The following GPR179 variants were observed in gnomAD, a reference collection of about 807,000 sequenced individuals.
GPR179 encodes the protein G protein-coupled receptor 179.
In GPR179, 52 loss-of-function variants were observed where a neutral mutation model predicts 70.8. The observed-to-expected ratio is 0.73, with a 90% confidence interval of 0.59 to 0.93. GPR179 has a LOEUF of 0.93. Among genes scored for constraint, GPR179 ranks in the 40% least tolerant of loss-of-function variants. The pLI is 0.00. For synonymous variants in GPR179, 1,123 were observed against 1,169.0 expected, an observed-to-expected ratio of 0.96 and a Z score of 0.80; for missense variants, 2,734 against 2,966.8, an observed-to-expected ratio of 0.92 and a Z score of 1.82.
At chr17:38,338,501 C>G (rs1463572389) in intron 2 of GPR179, among the ~76,000 whole-genome samples, 1 of 152,208 alleles carries the variant, frequency 6.6e-6, no homozygotes, top group African/African-American at 2.4e-5. Flanking sequence ...CCAACTTCCC[C>G]TCTTGCTTGG....
rs373846829 is a variant in GPR179, at chr17:38,343,146, G to A, written c.644C>T (p.Pro215Leu). The A allele has an allele frequency of 1.5e-5, 24 of 1,613,992 alleles. No individual in the cohort carries two copies. Among genetic ancestry groups the A allele is most frequent in the Non-Finnish European group, 1.9e-5 (22 of 1,180,006 alleles). Residue 215 changes from proline to leucine, a missense_variant, in exon 1 of 11, where the codon CCG (proline) becomes CTG (leucine). Transcript: ENST00000616987. The surrounding 1 kb of genome is among the most constrained non-coding windows in gnomAD (Gnocchi z 4.2). ...DLGSLGSPKW[P>L]QADGYVGDTQ... ...GTCCCCCACATATCCATCTGCCTGC[G>A]GCCACTTGGGGCTGCCGAGGCTCCC...
chr17:38,338,993 A>G (rs2037427985), intron 2 of GPR179, among the ~76,000 whole-genome samples: 1 of 152,132 alleles, frequency 6.6e-6, no homozygotes, highest in African/African-American at 2.4e-5. Flanking sequence ...AATATGGAAC[A>G]CCCTTTTGTA....
intron 3 of GPR179, 80 bp downstream of exon 3, chr17:38,337,553 C>G: frequency 8.0e-7 from 1 of 1,254,516 alleles, no homozygotes; most frequent in Admixed American, 2.0e-5. Flanking sequence ...TCACCCCAAT[C>G]TGGCTTTCTT....
Position 38,327,639 on chromosome 17 carries a change from G to T in GPR179, c.5930C>A (p.Pro1977His), listed in dbSNP as rs62073368. 0.024 allele frequency: 38,529 copies of T among 1,614,208 alleles called. 562 individuals are homozygous for T. Among genetic ancestry groups the T allele is most frequent in the Middle Eastern group, 0.035 (215 of 6,062 alleles). ...CTGGGAGCTAGCTTTAGGTTGGTCA[G>T]GGCGCTGTCTGTCTAGGTGAGAGAC... ...DSVSHLDRQR[P>H]DQPKASSQRL... Residue 1977 changes from proline (P) to histidine (H), a missense_variant, in exon 11 of 11, where the codon CCT (proline) becomes CAT (histidine). Physicochemically the swap from Pro to His is moderately conservative, Grantham distance 77. Coordinates refer to ENST00000616987, the MANE Select transcript of GPR179 (RefSeq NM_001004334.4).
At position 38,327,960 on chromosome 17, in the gene GPR179, T is replaced by C; in HGVS notation, c.5609A>G (p.Gln1870Arg). The change falls in exon 11 of 11, where the codon CAG becomes CGG. Residue 1870 changes from glutamine (Q) to arginine (R), a missense_variant. Gln to Arg is a conservative substitution (Grantham distance 43). Coordinates refer to ENST00000616987, the MANE Select transcript of GPR179 (RefSeq NM_001004334.4). ...SKGMAKLCQQ[Q>R]ETICIWENKD... The stretch of plus-strand genomic sequence containing the variant: ...GTTCTCCCAAATACAAATAGTTTCC[T>C]GTTGTTGACACAGTTTTGCCATCCC... 6.2e-7 allele frequency: 1 copy of C among 1,614,224 alleles called. No individual in the cohort carries two copies. The highest frequency in any genetic ancestry group is 8.5e-7 in the Non-Finnish European group (1 of 1,180,044).
At position 38,328,351 on chromosome 17, in the gene GPR179, G is replaced by A; in HGVS notation, c.5218C>T (p.Pro1740Ser). The part of the protein sequence containing the change: ...DTGKVSADLG[P>S]RERAVTAPEK... ...GGAGCAGTAACAGCTCTCTCCCTGG[G>A]TCCAAGATCTGCAGAAACCTTGCCT... Residue 1740 changes from proline to serine, a missense_variant, in exon 11 of 11, where the codon CCC (proline) becomes TCC (serine). Pro to Ser is a moderately conservative substitution (Grantham distance 74, BLOSUM62 -1). Coordinates refer to ENST00000616987, the MANE Select transcript of GPR179 (RefSeq NM_001004334.4). 1.2e-6 allele frequency: 2 copies of A among 1,613,718 alleles called. No individual in the cohort carries two copies. Among genetic ancestry groups the A allele is most frequent in the Non-Finnish European group, 1.7e-6 (2 of 1,179,982 alleles).
Position 38,334,860 on chromosome 17 carries a change from G to T in GPR179, c.1646-18C>A. On this transcript the variant is annotated intron_variant, in intron 7 of 10. Transcript: ENST00000616987. The surrounding 1 kb of genome is among the most constrained non-coding windows in gnomAD (Gnocchi z 4.7). The stretch of plus-strand genomic sequence containing the variant: ...CAGCTCAGCTGTGGGGAGACAGGGA[G>T]GGAGAGAGCCGGCACCACCTCAGCA... 2 of 1,609,546 alleles carry T rather than the reference G, an allele frequency of 1.2e-6. No individual in the cohort carries two copies. Among genetic ancestry groups the T allele is most frequent in the South Asian group, 1.1e-5 (1 of 91,026 alleles).
rs2037345071 is a variant in GPR179, at chr17:38,330,580, TC to T, written c.2988del (p.Asn997ThrfsTer41). The T allele has an allele frequency of 6.3e-7, 1 of 1,578,230 alleles. No individual in the cohort carries two copies. Among genetic ancestry groups the T allele is most frequent in the African/African-American group, 1.4e-5 (1 of 73,784 alleles). On this transcript the variant is annotated frameshift_variant, in exon 11 of 11. Coordinates refer to ENST00000616987, the MANE Select transcript of GPR179 (RefSeq NM_001004334.4). LOFTEE classifies it low-confidence loss of function (END_TRUNC). Reference sequence around the variant, plus strand: ...TCTTGCTTGGCTGGCAGTTCTGCGTTCTCCCAGGGGCAGATGTAGGTGAGTA... The same window carrying T: ...TCTTGCTTGGCTGGCAGTTCTGCGTTTCCCAGGGGCAGATGTAGGTGAGTA... The part of the protein sequence containing the change: ...PNLLTYICPW[E>X]NAELPAKQEN...
At chr17:38,342,631 AC>A (rs2037458805) in intron 1 of GPR179, among the ~76,000 whole-genome samples, 2 of 152,214 alleles carry the variant, frequency 1.3e-5, no homozygotes, top group South Asian at 2.1e-4. Flanking sequence ...GAGCCACTGC[AC>A]CCAGCTATAC....
intron 9 of GPR179, 133 bp downstream of exon 9, chr17:38,333,800 A>C: frequency 1.5e-6 from 1 of 647,596 alleles, no homozygotes; most frequent in Non-Finnish European, 2.7e-6. Flanking sequence ...GGCCCCTGGC[A>C]CTGTGCTCAC....
chr17:38,336,107 A>T lies in GPR179; in HGVS notation c.1265T>A (p.Val422Asp). Residue 422 changes from valine to aspartate, a missense_variant, in exon 5 of 11, where the codon GTC becomes GAC. Transcript: ENST00000616987. ...GTAAAGCAGCAGGAATCCAAAAAGG[A>T]CAGTTTCCAGCAGGACCACTCCAGA... is the stretch of plus-strand genomic sequence containing the variant. ...WASGVVLLETVLFGFLLLYFP... is the reference protein window; with the variant it reads ...WASGVVLLETDLFGFLLLYFP... 1 of 1,613,694 alleles carries T rather than the reference A, an allele frequency of 6.2e-7. No homozygotes were observed. The highest frequency in any genetic ancestry group is 8.5e-7 in the Non-Finnish European group (1 of 1,179,620).
Position 38,331,495 on chromosome 17 carries a change from G to C in GPR179, c.2074C>G (p.His692Asp), listed in dbSNP as rs1183992695. 2 of 1,613,418 alleles carry C rather than the reference G, an allele frequency of 1.2e-6. No individual in the cohort carries two copies. The highest frequency in any genetic ancestry group is 1.7e-6 in the Non-Finnish European group (2 of 1,179,640). The change falls in exon 11 of 11, where the codon CAC (histidine) becomes GAC (aspartate). Residue 692 changes from histidine (H) to aspartate (D), a missense_variant. Transcript: ENST00000616987. ...LKKLYAQLEV[H>D]KTKEMAANNP... ...TTTGCGGCCATTTCCTTGGTTTTGT[G>C]GACCTCTAGCTGGGCATAGAGCTTC...
At chr17:38,340,297 T>C (rs1003420201) in intron 1 of GPR179, among the ~76,000 whole-genome samples, 4 of 152,194 alleles carry the variant, frequency 2.6e-5, no homozygotes, top group African/African-American at 9.7e-5. Flanking sequence ...CCACCATGCC[T>C]GGCTAGTTTT....
chr17:38,337,467 C>A (rs1479909984), intron 3 of GPR179, among the ~76,000 whole-genome samples, 166 bp downstream of exon 3: 1 of 152,168 alleles, frequency 6.6e-6, no homozygotes, highest in South Asian at 2.1e-4. Context: ...TGTAGACACC[C>A]CCACACTGCA....
Position 38,337,648 on chromosome 17 carries a change from C to CTA in GPR179, c.975_976insTA (p.Ala326Ter). 1.2e-6 allele frequency: 2 copies of CTA among 1,607,992 alleles called. No homozygotes were observed. The highest frequency in any genetic ancestry group is 2.3e-5 in the East Asian group (1 of 44,220). ...ACTTACATACCCCCAGAGGGGCTTG[C>CTA]CCCGTAGAATCCAGGTCGGCAGCGG... On this transcript the variant is annotated frameshift_variant, in exon 3 of 11. Coordinates refer to ENST00000616987, the MANE Select transcript of GPR179 (RefSeq NM_001004334.4). LOFTEE classifies it high-confidence loss of function.
In GPR179 at chr17:38,334,810, G is replaced by T; in HGVS notation, c.1678C>A (p.Leu560Ile). ...AGCACAGCCCGTGTGGCGTAGCAGAGGAAGCTGCCCCAGCACAGCAGCAGC... is the reference window on the plus strand; with the variant it reads ...AGCACAGCCCGTGTGGCGTAGCAGATGAAGCTGCCCCAGCACAGCAGCAGC... ...ELLLLCWGSF[L>I]CYATRAVLSA... is the part of the protein sequence containing the mutation. The change falls in exon 8 of 11, where the codon CTC becomes ATC. Residue 560 changes from leucine to isoleucine, a missense_variant. By Grantham distance (5) the Leu-to-Ile change is conservative. Transcript: ENST00000616987. The surrounding 1 kb of genome is among the most constrained non-coding windows in gnomAD (Gnocchi z 4.7). The T allele has an allele frequency of 6.2e-7, 1 of 1,613,080 alleles. No homozygotes were observed. The highest frequency in any genetic ancestry group is 1.1e-5 in the South Asian group (1 of 91,062).
Position 38,330,340 on chromosome 17 carries a change from C to A in GPR179, c.3229G>T (p.Ala1077Ser), listed in dbSNP as rs1290059283. Residue 1077 changes from alanine (A) to serine (S), a missense_variant, in exon 11 of 11, where the codon GCC becomes TCC. Ala to Ser is a moderately conservative substitution (Grantham distance 99, BLOSUM62 1). Transcript: ENST00000616987. ...KIFPKSHSLK[A>S]PVQQGSMRSL... Reference sequence around the variant, plus strand: ...CGCATGGAACCCTGCTGAACAGGGGCCTTGAGGCTGTGGGATTTAGGGAAG... The same window carrying A: ...CGCATGGAACCCTGCTGAACAGGGGACTTGAGGCTGTGGGATTTAGGGAAG... 1.3e-5 allele frequency: 21 copies of A among 1,613,990 alleles called. No individual in the cohort carries two copies. The highest frequency in any genetic ancestry group is 1.7e-5 in the Non-Finnish European group (20 of 1,179,948).
Position 38,330,880 on chromosome 17 carries a change from C to G in GPR179, c.2689G>C (p.Ala897Pro). The G allele has an allele frequency of 6.3e-7, 1 of 1,599,720 alleles. No individual in the cohort carries two copies. The highest frequency in any genetic ancestry group is 8.5e-7 in the Non-Finnish European group (1 of 1,173,760). The change falls in exon 11 of 11, where the codon GCC (alanine) becomes CCC (proline). Residue 897 changes from alanine to proline, a missense_variant. Ala to Pro is a conservative substitution (Grantham distance 27). Coordinates refer to ENST00000616987, the MANE Select transcript of GPR179 (RefSeq NM_001004334.4). ...GGGGAAGGTGGAGCTGACAGGGGGG[C>G]CCCTCGAGGCCGCTCCAGCCTCCTG... The part of the protein sequence containing the change: ...SARRLERPRG[A>P]PLSAPPSPAK...
At position 38,329,550 on chromosome 17, in the gene GPR179, G is replaced by A. The variant is rs748139113; in HGVS notation, c.4019C>T (p.Pro1340Leu). 2 of 1,613,962 alleles carry A rather than the reference G, an allele frequency of 1.2e-6. No individual in the cohort carries two copies. The highest frequency in any genetic ancestry group is 1.7e-6 in the Non-Finnish European group (2 of 1,180,006). The change falls in exon 11 of 11, where the codon CCT becomes CTT. Residue 1340 changes from proline to leucine, a missense_variant. Physicochemically the swap from Pro to Leu is moderately conservative, Grantham distance 98. Coordinates refer to ENST00000616987, the MANE Select transcript of GPR179 (RefSeq NM_001004334.4). ...CTCAGATTTGTCTCTGATTCTGCCA[G>A]GGTCCTGAGGAGCTGACCCAGGGGA... ...GLSPGSAPQD[P>L]GRIRDKSEAG... is the part of the protein sequence containing the mutation.
Sources: allele counts gnomAD v4.1 joint callset (sites outside exome capture counted in the v4.1 genomes callset), GRCh38; gene constraint gnomAD v4.1.1; non-coding constraint Gnocchi (gnomAD v3.1); transcripts MANE v1.5; gene names NCBI Gene and HGNC (gene_info 2026-07-23, HGNC 2026-07-21).